SGCZ: variants seen among roughly 807,000 people sequenced by gnomAD.
SGCZ encodes the protein sarcoglycan zeta, also known as zeta-sarcoglycan.
Under a neutral mutation model 41.3 loss-of-function variants are expected in SGCZ, and 40 were observed. The ratio of observed to expected loss-of-function variants is 0.97; its 90% CI spans 0.75 to 1.26. The LOEUF (loss-of-function observed/expected upper bound fraction) is 1.26. Ranked by LOEUF, SGCZ falls within the 50% of genes most tolerant of loss-of-function variation. The pLI, the probability that SGCZ is intolerant of heterozygous loss-of-function variation, is 0.00. For synonymous variants in SGCZ, 206 were observed against 137.5 expected (o/e 1.50, Z -3.49); for missense variants, 552 against 369.8 (o/e 1.49, Z -4.04).
chr8:14,465,336 C>T (rs1452738241), intron 2 of SGCZ, among the ~76,000 whole-genome samples: 1 of 151,554 alleles, frequency 6.6e-6, no homozygotes, highest in Non-Finnish European at 1.5e-5. Flanking sequence ...CTTGTGGAAC[C>T]TTTTCTTAAG....
intron 1 of SGCZ, among the ~76,000 whole-genome samples, chr8:15,117,845 C>T (rs930002170): frequency 6.6e-6 from 1 of 152,124 alleles, no homozygotes. Context: ...CCAAAAATCT[C>T]CACGTATTCA....
At chr8:14,119,255 T>C (rs1165978928) in intron 5 of SGCZ, among the ~76,000 whole-genome samples, 2 of 152,186 alleles carry the variant, frequency 1.3e-5, no homozygotes, top group Admixed American at 1.3e-4. Context: ...TGGTGTGTAA[T>C]TCTCCTCGAA....
At chr8:15,224,887 A>C (rs1677253122) in intron 1 of SGCZ, among the ~76,000 whole-genome samples, 1 of 152,212 alleles carries the variant, frequency 6.6e-6, no homozygotes, top group African/African-American at 2.4e-5. Flanking sequence ...TATAAGTTTT[A>C]ATTCACCAGG....
chr8:15,198,294 A>G (rs1239150598), intron 1 of SGCZ, among the ~76,000 whole-genome samples: 1 of 151,912 alleles, frequency 6.6e-6, no homozygotes, highest in East Asian at 1.9e-4. Flanking sequence ...TCAGTTATGC[A>G]TTGTACATTG....
At chr8:14,438,893 T>A (rs957600099) in intron 2 of SGCZ, among the ~76,000 whole-genome samples, 1 of 151,986 alleles carries the variant, frequency 6.6e-6, no homozygotes, top group Admixed American at 6.6e-5. Flanking sequence ...TGACAGAGAG[T>A]ATATTATAAT....
chr8:14,331,070 A>G (rs1159567781), intron 2 of SGCZ, among the ~76,000 whole-genome samples: 3 of 151,764 alleles, frequency 2.0e-5, no homozygotes, highest in Admixed American at 6.6e-5. Flanking sequence ...TAAAGATATT[A>G]TTTATTATAT....
At chr8:14,129,152 C>T (rs1279900537) in intron 5 of SGCZ, among the ~76,000 whole-genome samples, 4 of 151,390 alleles carry the variant, frequency 2.6e-5, no homozygotes, top group Admixed American at 2.6e-4. Flanking sequence ...TTCAAGACCA[C>T]CCTGGCCAAC....
chr8:14,502,773 C>T (rs377293146), intron 2 of SGCZ, among the ~76,000 whole-genome samples: 3 of 151,976 alleles, frequency 2.0e-5, no homozygotes, highest in South Asian at 2.1e-4. Flanking sequence ...CCAGTTAGAA[C>T]GGCAATCATT....
At chr8:14,582,778 G>C (rs913676600) in intron 1 of SGCZ, among the ~76,000 whole-genome samples, 1 of 149,922 alleles carries the variant, frequency 6.7e-6, no homozygotes, top group Non-Finnish European at 1.5e-5. Flanking sequence ...TTGTCCTTGC[G>C]ATAGTTTACT....
At chr8:14,832,534 A>G (rs2130604941) in intron 1 of SGCZ, among the ~76,000 whole-genome samples, 1 of 152,234 alleles carries the variant, frequency 6.6e-6, no homozygotes, top group Non-Finnish European at 1.5e-5. Flanking sequence ...CTTCTGTGTA[A>G]ATTTGTAATT....
chr8:14,241,490 T>A (rs1218411724), intron 3 of SGCZ, among the ~76,000 whole-genome samples: 2 of 148,490 alleles, frequency 1.3e-5, no homozygotes, highest in African/African-American at 4.9e-5. Context: ...ATATATAGCA[T>A]CTACATAAAA....
chr8:15,136,596 C>T (rs1563144772), intron 1 of SGCZ, among the ~76,000 whole-genome samples: 1 of 152,000 alleles, frequency 6.6e-6, no homozygotes, highest in Non-Finnish European at 1.5e-5. Context: ...GGTGGTTTCT[C>T]CTATGCTATT....
intron 1 of SGCZ, among the ~76,000 whole-genome samples, chr8:15,195,650 T>C (rs1024202968): frequency 6.6e-6 from 1 of 152,130 alleles, no homozygotes; most frequent in Non-Finnish European, 1.5e-5. Flanking sequence ...AATACTTCTA[T>C]AAGGCAACTA....
intron 2 of SGCZ, among the ~76,000 whole-genome samples, chr8:14,353,271 T>A (rs1803166982): frequency 6.6e-6 from 1 of 152,070 alleles, no homozygotes; most frequent in African/African-American, 2.4e-5. Flanking sequence ...CACAAAAATA[T>A]TAGTTATCTG....
intron 3 of SGCZ, among the ~76,000 whole-genome samples, chr8:14,261,181 A>C (rs1799654138): frequency 6.6e-6 from 1 of 152,224 alleles, no homozygotes; most frequent in Admixed American, 6.5e-5. Flanking sequence ...ATCTTGCCCA[A>C]GTAAAACAAC....
intron 1 of SGCZ, among the ~76,000 whole-genome samples, chr8:15,134,267 G>A (rs1390993054): frequency 6.7e-6 from 1 of 149,512 alleles, no homozygotes; most frequent in Non-Finnish European, 1.5e-5. Flanking sequence ...ACATAACTTT[G>A]GTATTTAAAT....
chr8:15,050,739 T>A (rs1482481942), intron 1 of SGCZ, among the ~76,000 whole-genome samples: 1 of 151,934 alleles, frequency 6.6e-6, no homozygotes, highest in African/African-American at 2.4e-5. Context: ...AGAAGGGGAA[T>A]TGGGGGAGAA....
intron 5 of SGCZ, among the ~76,000 whole-genome samples, chr8:14,157,923 T>C (rs961745250): frequency 3.9e-5 from 6 of 152,202 alleles, no homozygotes; most frequent in African/African-American, 1.4e-4. Context: ...AGCTCATGCC[T>C]GTAATCCCAG....
At chr8:14,957,343 G>A (rs1179439056) in intron 1 of SGCZ, among the ~76,000 whole-genome samples, 1 of 151,940 alleles carries the variant, frequency 6.6e-6, no homozygotes, top group Admixed American at 6.6e-5. Flanking sequence ...GTAAGTATAT[G>A]TGAAATAGCT....
Sources: gnomAD v4.1 joint callset for allele counts (sites outside exome capture counted in the v4.1 genomes callset) on GRCh38, gnomAD v4.1.1 for gene constraint, MANE v1.5 for transcripts, NCBI Gene and HGNC (gene_info 2026-07-23, HGNC 2026-07-21) for gene names.